The following FRAS1 variants were observed in gnomAD, a reference collection of about 807,000 sequenced individuals.
FRAS1 encodes the protein Fraser extracellular matrix complex subunit 1, also known as extracellular matrix organizing protein FRAS1.
Under a neutral mutation model 435.2 loss-of-function variants are expected in FRAS1, and 290 were observed. The ratio of observed to expected loss-of-function variants is 0.67; its 90% CI spans 0.61 to 0.73. FRAS1 has a LOEUF of 0.73. Ranked by LOEUF, FRAS1 falls within the 30% of genes least tolerant of loss-of-function variation. The probability of loss-of-function intolerance (pLI) is 0.00; values close to 1 mark genes in which losing one functional copy is unlikely to be tolerated. For missense variants in FRAS1, 4,860 were observed against 5,001.5 expected, an observed-to-expected ratio of 0.97 and a Z score of 0.85; for synonymous variants, 1,800 against 1,851.0, an observed-to-expected ratio of 0.97 and a Z score of 0.71.
chr4:78,365,861 G>C (rs1027746984), intron 22 of FRAS1, among the ~76,000 whole-genome samples: 4 of 151,768 alleles, frequency 2.6e-5, no homozygotes, highest in Non-Finnish European at 5.9e-5. Flanking sequence ...CTACTCGGGG[G>C]TGCTGAGGCA....
At chr4:78,213,657 AT>A (rs140725814) in intron 2 of FRAS1, among the ~76,000 whole-genome samples, 10 of 150,376 alleles carry the variant, frequency 6.7e-5, no homozygotes, top group East Asian at 1.9e-4. Context: ...TTAAAGGGTG[AT>A]TTTTTTTTTA....
At chr4:78,083,958 A>G (rs1176391553) in intron 2 of FRAS1, among the ~76,000 whole-genome samples, 1 of 152,098 alleles carries the variant, frequency 6.6e-6, no homozygotes, top group Admixed American at 6.6e-5. Flanking sequence ...GGCCTAAGGC[A>G]CAATTCAAAT....
chr4:78,069,859 T>C (rs1740246950), intron 2 of FRAS1, among the ~76,000 whole-genome samples: 1 of 152,022 alleles, frequency 6.6e-6, no homozygotes, highest in Admixed American at 6.6e-5. Flanking sequence ...TGTCCAAAGT[T>C]ACATAGTAAG....
chr4:78,302,544 A>G (rs1467605306), intron 14 of FRAS1, among the ~76,000 whole-genome samples: 3 of 152,130 alleles, frequency 2.0e-5, no homozygotes, highest in Non-Finnish European at 4.4e-5. Context: ...AATGATTGCC[A>G]TTCTAACTGG....
chr4:78,457,308 T>C (rs1226589380), intron 47 of FRAS1, among the ~76,000 whole-genome samples: 2 of 152,200 alleles, frequency 1.3e-5, no homozygotes, highest in Non-Finnish European at 2.9e-5. Context: ...AGAGAAGGAC[T>C]TCTGCACCAC....
intron 2 of FRAS1, among the ~76,000 whole-genome samples, chr4:78,204,008 CA>C (rs1231001079): frequency 6.6e-6 from 1 of 152,132 alleles, no homozygotes; most frequent in African/African-American, 2.4e-5. Flanking sequence ...TTCCTGAGTA[CA>C]AAAAGGCTGT....
chr4:78,515,605 G>A (rs1158232242), intron 65 of FRAS1, among the ~76,000 whole-genome samples, 194 bp from the exon 66 acceptor site: 3 of 152,048 alleles, frequency 2.0e-5, no homozygotes, highest in Non-Finnish European at 4.4e-5. Context: ...TCAACACCTG[G>A]CAACAGCAGT....
At chr4:78,405,856 A>G (rs1733076802) in intron 30 of FRAS1, among the ~76,000 whole-genome samples, 1 of 152,152 alleles carries the variant, frequency 6.6e-6, no homozygotes, top group South Asian at 2.1e-4. Context: ...GCAGCAGTTC[A>G]TCCATTCTTC....
At chr4:78,436,473 A>G (rs1413465610) in intron 38 of FRAS1, among the ~76,000 whole-genome samples, 1 of 152,222 alleles carries the variant, frequency 6.6e-6, no homozygotes, top group Non-Finnish European at 1.5e-5. Context: ...ATTACTACCC[A>G]AAAGAAACTT....
intron 9 of FRAS1, among the ~76,000 whole-genome samples, chr4:78,274,391 C>T (rs991651692): frequency 1.3e-5 from 2 of 152,088 alleles, no homozygotes; most frequent in African/African-American, 4.8e-5. Flanking sequence ...TCTCTAGTTC[C>T]TTTCATTGTG....
intron 20 of FRAS1, among the ~76,000 whole-genome samples, chr4:78,347,778 T>C (rs1730662930): frequency 1.0e-5 from 1 of 96,054 alleles, no homozygotes; most frequent in Admixed American, 9.9e-5. Context: ...TGTGTGCGTG[T>C]GTGTGTGTGT....
At chr4:78,182,907 A>G (rs1305218221) in intron 2 of FRAS1, among the ~76,000 whole-genome samples, 1 of 139,756 alleles carries the variant, frequency 7.2e-6, no homozygotes, top group Admixed American at 7.1e-5. Flanking sequence ...AAAAAAAAAA[A>G]TGCCCAGAGG....
Position 78,446,856 on chromosome 4 carries a change from G to T in FRAS1, c.5986G>T (p.Val1996Leu), listed in dbSNP as rs1472037718. 1.9e-6 allele frequency: 3 copies of T among 1,610,434 alleles called. No homozygotes were observed. Among genetic ancestry groups the T allele is most frequent in the Non-Finnish European group, 2.5e-6 (3 of 1,178,412 alleles). Residue 1996 changes from valine (V) to leucine (L), a missense_variant, in exon 43 of 74, where the codon GTA becomes TTA. Val to Leu is a conservative substitution (Grantham distance 32). Coordinates refer to ENST00000512123, the MANE Select transcript of FRAS1 (RefSeq NM_025074.7). ...LDTPDNELIF[V>L]LTKKPDHGHV... ...CACCCCAGATAATGAGCTCATTTTT[G>T]TATTGACAAAAAAGCCTGACCACGG... is the stretch of plus-strand genomic sequence containing the variant.
At chr4:78,391,069 A>G (rs1257465204) in intron 29 of FRAS1, among the ~76,000 whole-genome samples, 4 of 152,132 alleles carry the variant, frequency 2.6e-5, no homozygotes, top group Admixed American at 6.5e-5. Context: ...GATGGATGCA[A>G]TGGCTTGAGT....
At chr4:78,116,945 G>A (rs545306302) in intron 2 of FRAS1, among the ~76,000 whole-genome samples, 2 of 152,222 alleles carry the variant, frequency 1.3e-5, no homozygotes, top group South Asian at 2.1e-4. Flanking sequence ...TTACAATTTG[G>A]CATGTTTTTG....
At chr4:78,283,486 A>C (rs554504666) in intron 12 of FRAS1, among the ~76,000 whole-genome samples, 1 of 152,322 alleles carries the variant, frequency 6.6e-6, no homozygotes, top group East Asian at 1.9e-4. Flanking sequence ...CTTTCAAATC[A>C]CCTGGGGTTG....
At chr4:78,094,104 G>GTTTTTTTTTTTTTTTTTT (rs71214395) in intron 2 of FRAS1, among the ~76,000 whole-genome samples, 1 of 106,616 alleles carries the variant, frequency 9.4e-6, no homozygotes, top group Non-Finnish European at 1.9e-5. Flanking sequence ...GAATAACCAA[G>GTTTTTTTTTTTTTTTTTT]TTTTTTTTTT....
chr4:78,516,316 A>G (rs1291935270), intron 66 of FRAS1, among the ~76,000 whole-genome samples: 1 of 152,238 alleles, frequency 6.6e-6, no homozygotes, highest in Non-Finnish European at 1.5e-5. Flanking sequence ...TATATTTTGG[A>G]AAGCCAAAAA....
chr4:78,059,955 C>T (rs941005334), intron 1 of FRAS1, among the ~76,000 whole-genome samples: 3 of 151,888 alleles, frequency 2.0e-5, no homozygotes, highest in Non-Finnish European at 4.4e-5. Flanking sequence ...AACTTTGCTT[C>T]TTATTGTTTG....
Sources: allele counts gnomAD v4.1 joint callset (sites outside exome capture counted in the v4.1 genomes callset), GRCh38; gene constraint gnomAD v4.1.1; transcripts MANE v1.5; gene names NCBI Gene and HGNC (gene_info 2026-07-23, HGNC 2026-07-21).